The following RELN variants were observed in gnomAD, a reference collection of about 807,000 sequenced individuals.
RELN encodes the protein reelin.
A neutral mutation model predicts 427.6 loss-of-function variants in RELN; 108 were observed. The observed-to-expected ratio is 0.25, with a 90% CI of 0.22 to 0.30. The LOEUF (loss-of-function observed/expected upper bound fraction) is 0.30. Ranked by LOEUF, RELN falls within the 10% of genes least tolerant of loss-of-function variation. The pLI is 1.00. For synonymous variants in RELN, 1,524 were observed against 1,513.4 expected (o/e 1.01, Z -0.16); for missense variants, 3,715 against 4,302.8 (o/e 0.86, Z 3.82).
chr7:103,734,516 G>C (rs2115971391), intron 6 of RELN, among the ~76,000 whole-genome samples: 1 of 152,278 alleles, frequency 6.6e-6, no homozygotes, highest in South Asian at 2.1e-4. Context: ...TAAGGGAAAT[G>C]CTAGCAATCC....
intron 1 of RELN, among the ~76,000 whole-genome samples, chr7:103,987,189 T>C (rs1346593393): frequency 6.6e-6 from 1 of 152,102 alleles, no homozygotes; most frequent in Non-Finnish European, 1.5e-5. Context: ...TTCTCAAAGC[T>C]TATAATAATT....
At chr7:103,539,367 G>A (rs761512816) in intron 44 of RELN, 40 bp from the exon 45 acceptor site, 2 of 1,595,544 alleles carry the variant, frequency 1.3e-6, no homozygotes, top group Admixed American at 3.4e-5. Flanking sequence ...TTTCCATTTA[G>A]TTTTAAGAAA....
At chr7:103,652,463 AACTCT>A in intron 14 of RELN, 83 bp downstream of exon 14, 3 of 1,052,940 alleles carry the variant, frequency 2.8e-6, no homozygotes, top group Non-Finnish European at 4.4e-6. Flanking sequence ...ATCCAGTTAA[AACTCT>A]ACCTAGAAAC....
chr7:103,481,665 C>G (rs1422645218), intron 63 of RELN, among the ~76,000 whole-genome samples: 2 of 152,116 alleles, frequency 1.3e-5, no homozygotes, highest in Non-Finnish European at 2.9e-5. Flanking sequence ...TTTTGAAAGG[C>G]AAGTAGCCAG....
At chr7:103,628,592 T>C (rs185013875) in intron 20 of RELN, among the ~76,000 whole-genome samples, 1 of 152,162 alleles carries the variant, frequency 6.6e-6, no homozygotes, top group Non-Finnish European at 1.5e-5. Context: ...ACAAGTCCCA[T>C]CAAAGGTAAT....
At chr7:103,860,483 A>G (rs1794046772) in intron 2 of RELN, among the ~76,000 whole-genome samples, 1 of 152,152 alleles carries the variant, frequency 6.6e-6, no homozygotes, top group South Asian at 2.1e-4. Context: ...AGGTAGTTTC[A>G]TTAGGCTAAA....
intron 61 of RELN, among the ~76,000 whole-genome samples, chr7:103,485,295 GAATT>G (rs1346159873): frequency 6.7e-6 from 1 of 149,200 alleles, no homozygotes; most frequent in Admixed American, 6.7e-5. Context: ...TTCCATACAG[GAATT>G]AATTTTATTT....
At chr7:103,686,788 A>G (rs1450493920) in intron 10 of RELN, among the ~76,000 whole-genome samples, 1 of 152,190 alleles carries the variant, frequency 6.6e-6, no homozygotes, top group Non-Finnish European at 1.5e-5. Flanking sequence ...ACAGACTTTA[A>G]AGGTATAGAC....
intron 3 of RELN, among the ~76,000 whole-genome samples, chr7:103,821,121 A>T (rs995245641): frequency 2.6e-5 from 4 of 152,158 alleles, no homozygotes; most frequent in Non-Finnish European, 5.9e-5. Flanking sequence ...AGATGCTACA[A>T]TAATTAAAAA....
At chr7:103,501,881 G>C (rs1019165201) in intron 52 of RELN, among the ~76,000 whole-genome samples, 6 of 152,132 alleles carry the variant, frequency 3.9e-5, no homozygotes, top group Non-Finnish European at 8.8e-5. Context: ...CGCTTGTTCT[G>C]GCTGTCTTGG....
rs948435865 is a variant in RELN, at chr7:103,701,124, C to T, written c.806-118G>A. ...TATTAGATATTTGTCTGGTAACTTCCCCATTCTTCTAATGATGCTGAAATC... is the reference window on the plus strand; with the variant it reads ...TATTAGATATTTGTCTGGTAACTTCTCCATTCTTCTAATGATGCTGAAATC... On this transcript the variant is annotated intron_variant, in intron 8 of 64. Transcript: ENST00000428762. 3 of 699,486 alleles carry T rather than the reference C, an allele frequency of 4.3e-6. No individual in the cohort carries two copies. In the Admixed American group the frequency reaches 6.2e-5, roughly 14 times the overall value. 43.3% of individuals were successfully genotyped at this position (699,486 alleles called of 1,614,324 possible).
intron 8 of RELN, among the ~76,000 whole-genome samples, chr7:103,707,291 TA>T (rs992984783): frequency 5.3e-5 from 8 of 150,804 alleles, no homozygotes; most frequent in African/African-American, 1.5e-4. Context: ...TGTATTTGCT[TA>T]AAAAAAAAGA....
intron 4 of RELN, among the ~76,000 whole-genome samples, chr7:103,769,877 T>C (rs886944326): frequency 1.3e-4 from 20 of 152,190 alleles, no homozygotes; most frequent in African/African-American, 4.8e-4. Context: ...AAGCACCCTC[T>C]TTCCTGGCTC....
chr7:103,727,003 T>C (rs1197005702), intron 7 of RELN, among the ~76,000 whole-genome samples: 1 of 152,152 alleles, frequency 6.6e-6, no homozygotes, highest in Non-Finnish European at 1.5e-5. Context: ...CTGAAGCTTG[T>C]ATCTTTAATA....
intron 11 of RELN, among the ~76,000 whole-genome samples, chr7:103,676,110 A>C (rs891169264): frequency 2.7e-4 from 41 of 152,324 alleles, no homozygotes; most frequent in East Asian, 1.3e-3. Context: ...CAACCTATAG[A>C]ATGGGAGAAA....
At chr7:103,622,836 T>C (rs1346247358) in intron 20 of RELN, among the ~76,000 whole-genome samples, 1 of 152,222 alleles carries the variant, frequency 6.6e-6, no homozygotes, top group Non-Finnish European at 1.5e-5. Context: ...ATTTGAATAC[T>C]TGTTATTTCC....
chr7:103,813,331 T>C (rs945322471), intron 3 of RELN, among the ~76,000 whole-genome samples: 4 of 149,076 alleles, frequency 2.7e-5, no homozygotes, highest in African/African-American at 5.0e-5. Flanking sequence ...CTTTGTGTCC[T>C]TACAGTTCCT....
chr7:103,986,628 G>GT (rs1468004090), intron 1 of RELN, among the ~76,000 whole-genome samples: 2 of 68,114 alleles, frequency 2.9e-5, no homozygotes, highest in East Asian at 1.1e-3. Flanking sequence ...ATTCTTTTAG[G>GT]TAAAAAAAAA....
chr7:103,621,726 T>G (rs1832222290), intron 20 of RELN, among the ~76,000 whole-genome samples: 1 of 152,150 alleles, frequency 6.6e-6, no homozygotes, highest in Non-Finnish European at 1.5e-5. Flanking sequence ...AATAACTGTC[T>G]CAGACTAGGC....
Sources: gnomAD v4.1 joint callset for allele counts (sites outside exome capture counted in the v4.1 genomes callset) on GRCh38, gnomAD v4.1.1 for gene constraint, MANE v1.5 for transcripts, NCBI Gene and HGNC (gene_info 2026-07-23, HGNC 2026-07-21) for gene names.